Variants in CDH13 observed in about 807,000 individuals in gnomAD.
CDH13 encodes the protein cadherin 13.
In CDH13, 24 loss-of-function variants were observed where a neutral mutation model predicts 63.8. The ratio of observed to expected loss-of-function variants is 0.38; its 90% confidence interval spans 0.27 to 0.53. The LOEUF (loss-of-function observed/expected upper bound fraction) is 0.53, where lower values mean the gene tolerates loss of function less well. CDH13 is among the 20% of genes least tolerant of loss of function. CDH13 has a pLI of 0.85. For synonymous variants in CDH13, 503 were observed against 355.3 expected (o/e 1.42, Z -4.67); for missense variants, 1,049 against 903.1 (o/e 1.16, Z -2.07).
intron 1 of CDH13, among the ~76,000 whole-genome samples, chr16:82,696,987 A>C (rs945663197): frequency 6.6e-6 from 1 of 152,180 alleles, no homozygotes; most frequent in Admixed American, 6.5e-5. Flanking sequence ...TATTTACACA[A>C]AATGGCAAGT....
chr16:83,342,816 C>A (rs1027401404), intron 5 of CDH13, among the ~76,000 whole-genome samples: 3 of 86,504 alleles, frequency 3.5e-5, no homozygotes, highest in Admixed American at 1.1e-4. Context: ...TATTTGTTAT[C>A]TTTAGGCACA....
intron 1 of CDH13, chr16:82,825,219 A>G (rs1290380270): frequency 1.3e-5 from 2 of 152,188 alleles, no homozygotes; most frequent in African/African-American, 4.8e-5. Flanking sequence ...TTTATCGATG[A>G]TTTTAAGAAA....
intron 2 of CDH13, among the ~76,000 whole-genome samples, chr16:82,960,484 G>A (rs941630173): frequency 6.6e-6 from 1 of 152,156 alleles, no homozygotes; most frequent in African/African-American, 2.4e-5. Flanking sequence ...GGAGATGTGG[G>A]AAGCTGGAGA....
chr16:83,595,982 C>T (rs1227070963), intron 7 of CDH13, among the ~76,000 whole-genome samples: 1 of 152,224 alleles, frequency 6.6e-6, no homozygotes, highest in Non-Finnish European at 1.5e-5. Context: ...AGCCAAGCTG[C>T]TTCTTCCCGG....
At chr16:83,180,708 G>C (rs749624159) in intron 4 of CDH13, among the ~76,000 whole-genome samples, 34 of 152,288 alleles carry the variant, frequency 2.2e-4, no homozygotes, top group Non-Finnish European at 4.4e-4. Flanking sequence ...GTAATTATTA[G>C]ACTATGCATG....
chr16:83,602,082 C>CAAAA (rs576973198), intron 7 of CDH13, among the ~76,000 whole-genome samples: 9 of 32,282 alleles, frequency 2.8e-4, no homozygotes, highest in Admixed American at 1.2e-3. Flanking sequence ...GACTCTGTCT[C>CAAAA]AAAAAAAAAA....
intron 1 of CDH13, among the ~76,000 whole-genome samples, chr16:82,766,283 A>C (rs2035051159): frequency 2.0e-5 from 3 of 152,220 alleles, no homozygotes. Flanking sequence ...ATAATTTGCA[A>C]AACCCGTAAA....
intron 8 of CDH13, among the ~76,000 whole-genome samples, chr16:83,619,612 C>G (rs1460529759): frequency 4.6e-5 from 7 of 152,212 alleles, no homozygotes; most frequent in African/African-American, 1.7e-4. Flanking sequence ...TGCTCCTGGG[C>G]TTGTGCATGA....
rs114978207 is a variant in CDH13 at position 82,933,113 on chromosome 16, G to A, written c.157+74640G>A. ...ATTCAGGGTTGGGGGAGTGATATTG[G>A]CAGTTACATGTTGTATTAGTCCATT... On this transcript the variant is annotated intron_variant, in intron 2 of 13. Coordinates refer to ENST00000567109, the MANE Select transcript of CDH13 (RefSeq NM_001257.5). Among the ~76,000 whole-genome samples, 1,165 of 152,160 alleles carry A rather than the reference G, an allele frequency of 7.7e-3. 11 individuals carry two copies. The highest frequency in any genetic ancestry group is 0.026 in the African/African-American group (1,086 of 41,502).
At chr16:82,783,883 T>A (rs941628048) in intron 1 of CDH13, among the ~76,000 whole-genome samples, 2 of 152,042 alleles carry the variant, frequency 1.3e-5, no homozygotes, top group Admixed American at 6.6e-5. Flanking sequence ...ATGGAGTTAG[T>A]GGAGGGAAAG....
intron 3 of CDH13, among the ~76,000 whole-genome samples, chr16:83,074,811 T>C (rs914836763): frequency 1.2e-4 from 18 of 152,280 alleles, no homozygotes; most frequent in South Asian, 8.3e-4. Context: ...TCCTGATAAA[T>C]AGTCCATATT....
intron 7 of CDH13, among the ~76,000 whole-genome samples, chr16:83,530,045 A>T (rs1194669439): frequency 6.6e-6 from 1 of 152,154 alleles, no homozygotes; most frequent in Non-Finnish European, 1.5e-5. Context: ...ACTGAGCTGG[A>T]CATGAAGCAT....
chr16:83,583,700 G>C (rs1266277149), intron 7 of CDH13, among the ~76,000 whole-genome samples: 6 of 151,752 alleles, frequency 4.0e-5, no homozygotes, highest in African/African-American at 1.5e-4. Context: ...CTGAGGTCAG[G>C]AGTTTGAGAC....
At chr16:82,809,129 C>T (rs1235341921) in intron 1 of CDH13, among the ~76,000 whole-genome samples, 1 of 152,116 alleles carries the variant, frequency 6.6e-6, no homozygotes, top group Admixed American at 6.5e-5. Flanking sequence ...ATTATCATTG[C>T]AAAGTGGCTC....
chr16:83,777,283 T>A (rs1462800546), intron 11 of CDH13, among the ~76,000 whole-genome samples: 2 of 152,210 alleles, frequency 1.3e-5, no homozygotes, highest in African/African-American at 2.4e-5. Flanking sequence ...TACAGGTCCC[T>A]TGTGATGCTA....
chr16:83,107,300 A>G (rs2034817218), intron 3 of CDH13, among the ~76,000 whole-genome samples: 1 of 145,822 alleles, frequency 6.9e-6, no homozygotes, highest in African/African-American at 2.6e-5. Flanking sequence ...ATTTTGAAAA[A>G]GAGTTCGTTG....
intron 7 of CDH13, among the ~76,000 whole-genome samples, chr16:83,562,278 A>G (rs1218801486): frequency 6.6e-6 from 1 of 152,058 alleles, no homozygotes; most frequent in East Asian, 1.9e-4. Flanking sequence ...TCCTTGTCAG[A>G]TAATAAGAAC....
intron 3 of CDH13, among the ~76,000 whole-genome samples, chr16:83,091,764 A>G (rs1480316954): frequency 6.6e-6 from 1 of 152,224 alleles, no homozygotes. Context: ...TACATACTAT[A>G]TCCCCAGCAT....
chr16:83,789,294 A>G (rs913220538), intron 13 of CDH13, among the ~76,000 whole-genome samples: 4 of 152,016 alleles, frequency 2.6e-5, no homozygotes, highest in Admixed American at 2.6e-4. Flanking sequence ...AGGATTGGAG[A>G]AGGAGGAGGG....
Sources: gnomAD v4.1 joint callset for allele counts (sites outside exome capture counted in the v4.1 genomes callset) on GRCh38, gnomAD v4.1.1 for gene constraint, MANE v1.5 for transcripts, NCBI Gene and HGNC (gene_info 2026-07-23, HGNC 2026-07-21) for gene names.